The following ACYP2 variants were observed in gnomAD, a reference collection of about 807,000 sequenced individuals.
ACYP2 encodes the protein acylphosphatase-2.
In ACYP2, 12 loss-of-function variants were observed where a neutral mutation model predicts 11.2. The observed-to-expected ratio is 1.08, with a 90% CI of 0.69 to 1.74. The LOEUF (loss-of-function observed/expected upper bound fraction) is 1.74, where lower values mean the gene tolerates loss of function less well. Ranked by LOEUF, ACYP2 falls within the 40% of genes most tolerant of loss-of-function variation. ACYP2 has a pLI of 0.00. For missense variants in ACYP2, 134 were observed against 101.9 expected (o/e 1.31, Z -1.35); for synonymous variants, 43 against 32.2 (o/e 1.33, Z -1.13).
chr2:54,163,637 C>T (rs1682826160), intron 6 of ACYP2, among the ~76,000 whole-genome samples: 1 of 151,976 alleles, frequency 6.6e-6, no homozygotes, highest in Non-Finnish European at 1.5e-5. Context: ...GGTGGCTCAC[C>T]CAAGGGCAGG....
chr2:53,976,832 A>C (rs1487736470), intron 2 of ACYP2, among the ~76,000 whole-genome samples: 1 of 152,148 alleles, frequency 6.6e-6, no homozygotes. Context: ...TTCTCTCATT[A>C]TTTTAGGCAT....
At chr2:54,201,674 C>CTTTCTT (rs1168061309) in intron 6 of ACYP2, among the ~76,000 whole-genome samples, 1 of 103,796 alleles carries the variant, frequency 9.6e-6, no homozygotes, top group Non-Finnish European at 2.0e-5. Flanking sequence ...TTCTTTCTTT[C>CTTTCTT]TTTCTTTCTC....
rs116804365 is a variant in ACYP2, at chr2:53,984,900, G to A, written c.62+11090G>A. Among the ~76,000 whole-genome samples, 646 of 151,906 alleles carry A rather than the reference G, an allele frequency of 4.3e-3. 7 individuals are homozygous for A. Among genetic ancestry groups the A allele is most frequent in the African/African-American group, 0.015 (617 of 41,470 alleles). On this transcript the variant is annotated intron_variant, in intron 2 of 6. Coordinates refer to ENST00000607452, the MANE Select transcript of ACYP2 (RefSeq NM_001320586.2). ...AATAAAAGTGAACTTCTTAAAACCT[G>A]TTAAAATGTTTATCAAGCTCTGTAC...
chr2:54,147,240 A>T (rs1445080603), intron 6 of ACYP2, among the ~76,000 whole-genome samples: 1 of 151,918 alleles, frequency 6.6e-6, no homozygotes, highest in Non-Finnish European at 1.5e-5. Context: ...TTAGTCATAC[A>T]TAAATCAAAA....
chr2:54,248,873 T>C (rs1331344221), intron 6 of ACYP2, among the ~76,000 whole-genome samples: 1 of 152,174 alleles, frequency 6.6e-6, no homozygotes, highest in Non-Finnish European at 1.5e-5. Context: ...GGAAAGATGA[T>C]TTAGAAGATA....
chr2:54,180,577 CAG>C (rs909659882), intron 6 of ACYP2, among the ~76,000 whole-genome samples: 11 of 152,150 alleles, frequency 7.2e-5, no homozygotes, highest in African/African-American at 2.7e-4. Flanking sequence ...CTTTTTGAGA[CAG>C]AGTCTTGCTG....
intron 4 of ACYP2, among the ~76,000 whole-genome samples, chr2:54,113,797 CGA>C (rs1051853472): frequency 1.3e-5 from 2 of 151,782 alleles, no homozygotes; most frequent in African/African-American, 4.9e-5. Flanking sequence ...GCAGAATAAC[CGA>C]GAGTGTCTTG....
chr2:54,273,465 T>A (rs1035641266), intron 6 of ACYP2, among the ~76,000 whole-genome samples: 6 of 152,136 alleles, frequency 3.9e-5, no homozygotes, highest in Admixed American at 3.9e-4. Flanking sequence ...ATTTCTAAAC[T>A]TTTTGTTTGT....
At chr2:54,080,703 G>A (rs570702585) in intron 4 of ACYP2, among the ~76,000 whole-genome samples, 19 of 152,172 alleles carry the variant, frequency 1.2e-4, no homozygotes, top group African/African-American at 4.6e-4. Context: ...TGACCAGGCT[G>A]GTCTCAACTC....
chr2:54,304,744 T>G lies in ACYP2; in HGVS notation c.461T>G (p.Phe154Cys). 6.2e-7 allele frequency: 1 copy of G among 1,612,290 alleles called. No individual in the cohort carries two copies. Among genetic ancestry groups the G allele is most frequent in the South Asian group, 1.1e-5 (1 of 90,934 alleles). ...AGTTCTCGCATTGACCGCACAAACT[T>G]TTCTAATGAAAAAACCATCTCTAAG... Residue 154 changes from phenylalanine (F) to cysteine (C), a missense_variant, in exon 7 of 7, where the codon TTT becomes TGT. Transcript: ENST00000607452.
chr2:54,223,003 T>A (rs116566212), intron 6 of ACYP2: 1 of 152,350 alleles, frequency 6.6e-6, no homozygotes, highest in African/African-American at 2.4e-5. Context: ...GCAGATTAGC[T>A]TTTCCCTTCT....
intron 4 of ACYP2, among the ~76,000 whole-genome samples, chr2:54,098,960 CTCAACAGATCT>C (rs1376027073): frequency 6.6e-6 from 1 of 152,110 alleles, no homozygotes; most frequent in Non-Finnish European, 1.5e-5. Flanking sequence ...AACTCCTGAG[CTCAACAGATCT>C]TCCTGTCTCA....
At chr2:54,234,207 G>A (rs1686371990) in intron 6 of ACYP2, among the ~76,000 whole-genome samples, 1 of 152,152 alleles carries the variant, frequency 6.6e-6, no homozygotes, top group Admixed American at 6.5e-5. Context: ...TTTGTGCTAA[G>A]CTTTTGGCTT....
intron 2 of ACYP2, among the ~76,000 whole-genome samples, chr2:54,042,198 G>T (rs181838989): frequency 1.2e-4 from 18 of 152,242 alleles, no homozygotes; most frequent in Middle Eastern, 3.4e-3. Context: ...TAGACACAGG[G>T]TTTCTCCATG....
intron 6 of ACYP2, among the ~76,000 whole-genome samples, chr2:54,173,697 T>A (rs956758514): frequency 1.3e-5 from 2 of 152,236 alleles, no homozygotes; most frequent in Non-Finnish European, 2.9e-5. Flanking sequence ...CTTTAGTCCA[T>A]CTTGAATTAA....
rs539896151 is a variant in ACYP2, at chr2:54,010,737, C to CTTTTTTTTT, written c.62+36947_62+36955dup. ...CTTCGGTTTCTCTTTTTCTTTCTTT[C>CTTTTTTTTT]TTTTTTTTTTTTTTTTTTTTTTTTT... On this transcript the variant is annotated intron_variant, in intron 2 of 6. Coordinates refer to ENST00000607452, the MANE Select transcript of ACYP2 (RefSeq NM_001320586.2). Among the ~76,000 whole-genome samples, 228 of 107,592 alleles carry CTTTTTTTTT rather than the reference C, an allele frequency of 2.1e-3. 5 individuals carry two copies. The highest frequency in any genetic ancestry group is 4.0e-3 in the African/African-American group (108 of 27,058). 70.6% of individuals were successfully genotyped at this position (107,592 alleles called of 152,430 possible).
chr2:54,147,866 A>G (rs976014826), intron 6 of ACYP2, among the ~76,000 whole-genome samples: 1 of 152,100 alleles, frequency 6.6e-6, no homozygotes, highest in African/African-American at 2.4e-5. Flanking sequence ...CCTCTTGTTT[A>G]GGTTATAGTT....
rs78162259 is a variant in ACYP2, at chr2:54,061,791, G to T, written c.277+4431G>T. The stretch of plus-strand genomic sequence containing the variant: ...TGTCAGAACTATAAAATCAAGGTCT[G>T]GTCTGGACATGGTGGCTCAAGGCTG... On this transcript the variant is annotated intron_variant, in intron 4 of 6. Transcript: ENST00000607452. Among the ~76,000 whole-genome samples the T allele has an allele frequency of 6.8e-3, 1,041 of 152,200 alleles. 9 individuals are homozygous for T. Among genetic ancestry groups the T allele is most frequent in the African/African-American group, 0.023 (962 of 41,528 alleles).
At chr2:54,259,574 G>C (rs114814924) in intron 6 of ACYP2, among the ~76,000 whole-genome samples, 1,783 of 151,382 alleles carry the variant, frequency 0.012, 29 homozygotes, top group African/African-American at 0.042. Flanking sequence ...ATGTCAGTTA[G>C]TATGAGGTCT....
Sources: allele counts gnomAD v4.1 joint callset (sites outside exome capture counted in the v4.1 genomes callset), GRCh38; gene constraint gnomAD v4.1.1; transcripts MANE v1.5; gene names NCBI Gene and HGNC (gene_info 2026-07-23, HGNC 2026-07-21).